The following GALNT13 variants were observed in gnomAD, a reference collection of about 807,000 sequenced individuals.
GALNT13 encodes the protein UDP-GalNAc:polypeptide N-acetylgalactosaminyltransferase 13.
GALNT13 carries 28 observed loss-of-function variants against 64.2 expected under a neutral mutation model. The observed-to-expected ratio is 0.44, with a 90% CI of 0.32 to 0.60. GALNT13 has a LOEUF of 0.60. Among genes scored for constraint, GALNT13 ranks in the 20% least tolerant of loss-of-function variants. The pLI, the probability that GALNT13 is intolerant of heterozygous loss-of-function variation, is 0.05. For synonymous variants in GALNT13, 214 were observed against 224.6 expected, an observed-to-expected ratio of 0.95 and a Z score of 0.42; for missense variants, 577 against 669.8, an observed-to-expected ratio of 0.86 and a Z score of 1.53.
chr2:153,489,134 C>T, the GALNT13 span, among the ~76,000 whole-genome samples: 6 of 151,976 alleles, frequency 3.9e-5, no homozygotes, highest in Non-Finnish European at 7.4e-5. Flanking sequence ...GGGAGAGTTG[C>T]GGGGGCTGAG....
chr2:153,292,427 C>T, the GALNT13 span, among the ~76,000 whole-genome samples: 1 of 152,148 alleles, frequency 6.6e-6, no homozygotes, highest in East Asian at 1.9e-4. Flanking sequence ...GATACAGTCT[C>T]ACGAAAAGTC....
intron 4 of GALNT13, among the ~76,000 whole-genome samples, chr2:154,172,634 G>T (rs1318314010): frequency 7.0e-6 from 1 of 143,486 alleles, no homozygotes; most frequent in African/African-American, 2.5e-5. Flanking sequence ...CCTTTATATG[G>T]CTGAATAATA....
the GALNT13 span, among the ~76,000 whole-genome samples, chr2:153,484,454 A>G: frequency 6.6e-6 from 1 of 152,206 alleles, no homozygotes; most frequent in South Asian, 2.1e-4. Context: ...TCCTATATTT[A>G]AATTACACTT....
chr2:153,400,296 GC>G, the GALNT13 span, among the ~76,000 whole-genome samples: 1 of 152,118 alleles, frequency 6.6e-6, no homozygotes, highest in Admixed American at 6.6e-5. Flanking sequence ...TGGTGGATAA[GC>G]TTTTTGATGT....
chr2:154,131,228 C>G (rs577569211), intron 3 of GALNT13, among the ~76,000 whole-genome samples: 3 of 146,826 alleles, frequency 2.0e-5, no homozygotes, highest in South Asian at 4.5e-4. Context: ...TAACATGTGC[C>G]AAACAACCTC....
the GALNT13 span, among the ~76,000 whole-genome samples, chr2:153,320,163 C>T: frequency 1.3e-5 from 2 of 152,034 alleles, no homozygotes; most frequent in Non-Finnish European, 2.9e-5. Context: ...GCTTGATGGC[C>T]CCTAGGATAA....
At chr2:154,420,148 C>T (rs946639163) in intron 11 of GALNT13, among the ~76,000 whole-genome samples, 3 of 152,048 alleles carry the variant, frequency 2.0e-5, no homozygotes, top group African/African-American at 4.8e-5. Context: ...CACACATACA[C>T]GTAGACACAA....
chr2:153,218,405 C>T, the GALNT13 span, among the ~76,000 whole-genome samples: 1 of 152,146 alleles, frequency 6.6e-6, no homozygotes, highest in African/African-American at 2.4e-5. Flanking sequence ...TCTGCCCTTC[C>T]TCTTAGTCGT....
At chr2:153,511,920 C>G in the GALNT13 span, among the ~76,000 whole-genome samples, 1 of 152,052 alleles carries the variant, frequency 6.6e-6, no homozygotes, top group African/African-American at 2.4e-5. Flanking sequence ...GTCTGGAGTC[C>G]AGTGTCTGGG....
the GALNT13 span, among the ~76,000 whole-genome samples, chr2:153,093,041 A>AG: frequency 7.1e-6 from 1 of 141,840 alleles, no homozygotes; most frequent in Admixed American, 7.2e-5. Context: ...TCAGTTTTTG[A>AG]GGTTTTTTTT....
chr2:153,773,739 G>A, the GALNT13 span, among the ~76,000 whole-genome samples: 3 of 152,084 alleles, frequency 2.0e-5, no homozygotes, highest in Non-Finnish European at 4.4e-5. Flanking sequence ...AGGAAGAATG[G>A]CATCATAATA....
chr2:154,171,980 ACACAC>A (rs1685376288), intron 4 of GALNT13, among the ~76,000 whole-genome samples: 2 of 142,988 alleles, frequency 1.4e-5, no homozygotes, highest in African/African-American at 5.7e-5. Flanking sequence ...ATACACACAC[ACACAC>A]ACACACACAC....
the GALNT13 span, among the ~76,000 whole-genome samples, chr2:153,155,925 A>G: frequency 6.6e-6 from 1 of 152,100 alleles, no homozygotes; most frequent in African/African-American, 2.4e-5. Flanking sequence ...AGATTCTGGT[A>G]TGTTGTCTCT....
chr2:154,409,562 T>C (rs2105393927), intron 11 of GALNT13, among the ~76,000 whole-genome samples: 1 of 152,142 alleles, frequency 6.6e-6, no homozygotes, highest in Non-Finnish European at 1.5e-5. Context: ...ACAGCCTTTC[T>C]TGTGTGTGAC....
chr2:153,386,886 C>G, the GALNT13 span, among the ~76,000 whole-genome samples: 1 of 152,108 alleles, frequency 6.6e-6, no homozygotes, highest in Non-Finnish European at 1.5e-5. Context: ...CCTTTCCACC[C>G]AAGCCTTGAA....
At chr2:154,346,896 G>T (rs1014377284) in intron 9 of GALNT13, among the ~76,000 whole-genome samples, 1 of 152,060 alleles carries the variant, frequency 6.6e-6, no homozygotes, top group Non-Finnish European at 1.5e-5. Context: ...TCTGAAAATA[G>T]ATTTGATACA....
the GALNT13 span, among the ~76,000 whole-genome samples, chr2:153,521,785 A>G: frequency 6.6e-6 from 1 of 152,116 alleles, no homozygotes. Flanking sequence ...AGTTGGAATT[A>G]TATAGTATGT....
At chr2:153,828,587 T>C in the GALNT13 span, among the ~76,000 whole-genome samples, 1 of 152,300 alleles carries the variant, frequency 6.6e-6, no homozygotes, top group South Asian at 2.1e-4. Flanking sequence ...ACCTTGAACC[T>C]GGCCAATAAA....
At chr2:154,297,669 G>C (rs566345538) in intron 8 of GALNT13, among the ~76,000 whole-genome samples, 1 of 152,062 alleles carries the variant, frequency 6.6e-6, no homozygotes, top group African/African-American at 2.4e-5. Context: ...TTATGGCAGC[G>C]CAAGCAAACG....
Sources: allele counts gnomAD v4.1 joint callset (sites outside exome capture counted in the v4.1 genomes callset), GRCh38; gene constraint gnomAD v4.1.1; transcripts MANE v1.5; gene names NCBI Gene and HGNC (gene_info 2026-07-23, HGNC 2026-07-21).